Variants in DOCK3 observed in about 807,000 individuals in gnomAD.
DOCK3 encodes the protein dedicator of cytokinesis 3.
Under a neutral mutation model 265.6 loss-of-function variants are expected in DOCK3, and 60 were observed. That is an observed-to-expected ratio of 0.23 (90% CI 0.18 to 0.28). DOCK3 has a LOEUF of 0.28. DOCK3 is among the 10% of genes least tolerant of loss of function. The pLI, the probability that DOCK3 is intolerant of heterozygous loss-of-function variation, is 1.00. For missense variants in DOCK3, 1,981 were observed against 2,594.3 expected (o/e 0.76, Z 5.14); for synonymous variants, 881 against 938.0 (o/e 0.94, Z 1.11).
chr3:51,135,717 A>T lies in DOCK3; in HGVS notation c.747-10832A>T, dbSNP rs113067231. On this transcript the variant is annotated intron_variant, in intron 9 of 52. Coordinates refer to ENST00000266037, the MANE Select transcript of DOCK3 (RefSeq NM_004947.5). ...TATCCAGTACTCTTTTTTTTATTTT[A>T]TTTTTATTTTTATTTTTTTGGAGAC... Among the ~76,000 whole-genome samples the T allele has an allele frequency of 5.3e-5, 8 of 151,702 alleles. 2 individuals are homozygous for T. The highest frequency in any genetic ancestry group is 1.7e-4 in the African/African-American group (7 of 41,340).
intron 27 of DOCK3, among the ~76,000 whole-genome samples, chr3:51,287,844 TCA>T (rs2081496574): frequency 2.0e-5 from 3 of 152,204 alleles, no homozygotes; most frequent in African/African-American, 4.8e-5. Context: ...TATGTGTTCA[TCA>T]CAGAACTATT....
Position 51,252,701 on chromosome 3 carries a change from C to T in DOCK3, c.2184+5894C>T, listed in dbSNP as rs189015670. Among the ~76,000 whole-genome samples the T allele has an allele frequency of 2.5e-3, 383 of 152,198 alleles. 5 individuals are homozygous for T. The highest frequency in any genetic ancestry group is 5.0e-3 in the East Asian group (26 of 5,184). ...TGTATAGGAATGCTTGTGATTTTTG[C>T]ACATTGATTTTGTATCCTGAGACTT... On this transcript the variant is annotated intron_variant, in intron 22 of 52. Coordinates refer to ENST00000266037, the MANE Select transcript of DOCK3 (RefSeq NM_004947.5).
chr3:51,082,181 G>A (rs1250569613), intron 7 of DOCK3, among the ~76,000 whole-genome samples: 4 of 151,838 alleles, frequency 2.6e-5, no homozygotes, highest in East Asian at 3.9e-4. Context: ...AGTTTGGGCC[G>A]GGCCTCACAC....
At chr3:50,722,804 C>T (rs2037558135) in intron 1 of DOCK3, among the ~76,000 whole-genome samples, 1 of 130,782 alleles carries the variant, frequency 7.6e-6, no homozygotes, top group Non-Finnish European at 1.6e-5. Flanking sequence ...CAGGGTCTGG[C>T]TGTGTTGCCC....
At chr3:51,351,276 A>G (rs1251817848) in intron 40 of DOCK3, among the ~76,000 whole-genome samples, 1 of 152,174 alleles carries the variant, frequency 6.6e-6, no homozygotes, top group Non-Finnish European at 1.5e-5. Flanking sequence ...TTCACTGTCC[A>G]CAAGCCTCAG....
intron 12 of DOCK3, among the ~76,000 whole-genome samples, chr3:51,188,092 C>T (rs1438359860): frequency 6.6e-6 from 1 of 152,118 alleles, no homozygotes; most frequent in Non-Finnish European, 1.5e-5. Flanking sequence ...TTTATCTGTT[C>T]CCTAGAGAAA....
chr3:50,906,881 T>C (rs1194672088), intron 4 of DOCK3, among the ~76,000 whole-genome samples: 1 of 152,146 alleles, frequency 6.6e-6, no homozygotes, highest in Admixed American at 6.5e-5. Context: ...CTGTTTTCTT[T>C]TGTGGGCATT....
chr3:51,214,209 T>G lies in DOCK3; in HGVS notation c.1214T>G (p.Ile405Ser). 1 of 1,613,800 alleles carries G rather than the reference T, an allele frequency of 6.2e-7. No individual in the cohort carries two copies. Among genetic ancestry groups the G allele is most frequent in the South Asian group, 1.1e-5 (1 of 91,050 alleles). Residue 405 changes from isoleucine (I) to serine (S), a missense_variant, in exon 14 of 53, where the codon ATT becomes AGT. Physicochemically the swap from Ile to Ser is moderately radical, Grantham distance 142. Coordinates refer to ENST00000266037, the MANE Select transcript of DOCK3 (RefSeq NM_004947.5). ...NPMIFNRGLAITRKLGFPDVI... is the reference protein window; with the variant it reads ...NPMIFNRGLASTRKLGFPDVI... ...ATGATATTTAATAGGGGATTGGCAA[T>G]TACAAGAAAATTGGGATTTCCTGAT... is the stretch of plus-strand genomic sequence containing the variant.
intron 9 of DOCK3, among the ~76,000 whole-genome samples, chr3:51,112,894 C>A (rs2083579280): frequency 6.6e-6 from 1 of 152,112 alleles, no homozygotes; most frequent in Non-Finnish European, 1.5e-5. Flanking sequence ...AGCTCAAGGA[C>A]TCTGTTGGAT....
At chr3:51,170,087 T>A (rs191282800) in intron 12 of DOCK3, among the ~76,000 whole-genome samples, 3 of 152,340 alleles carry the variant, frequency 2.0e-5, no homozygotes, top group African/African-American at 7.2e-5. Context: ...TTGGACATAT[T>A]GGGTTTCAGA....
intron 5 of DOCK3, among the ~76,000 whole-genome samples, chr3:51,027,490 C>G (rs1232299505): frequency 6.6e-6 from 1 of 151,874 alleles, no homozygotes; most frequent in African/African-American, 2.4e-5. Flanking sequence ...TCCAGAATTT[C>G]TTTGTTAGTT....
intron 5 of DOCK3, among the ~76,000 whole-genome samples, chr3:51,061,463 C>CA (rs1171411071): frequency 6.6e-6 from 1 of 150,794 alleles, no homozygotes; most frequent in Non-Finnish European, 1.5e-5. Context: ...ATTGCAAGGA[C>CA]AAAAAACCAA....
At chr3:51,264,998 CA>C (rs1178357595) in intron 23 of DOCK3, among the ~76,000 whole-genome samples, 1 of 151,782 alleles carries the variant, frequency 6.6e-6, no homozygotes, top group Non-Finnish European at 1.5e-5. Flanking sequence ...ATAGACACAA[CA>C]AAAAATGTGA....
At chr3:50,890,832 T>G (rs1238883325) in intron 4 of DOCK3, among the ~76,000 whole-genome samples, 1 of 152,058 alleles carries the variant, frequency 6.6e-6, no homozygotes. Flanking sequence ...ATGAGCCACT[T>G]TATGAGGTAG....
chr3:50,933,896 T>C, intron 4 of DOCK3, 85 bp from the exon 5 acceptor site: 1 of 845,306 alleles, frequency 1.2e-6, no homozygotes, highest in Non-Finnish European at 1.8e-6. Flanking sequence ...AAAATTTGAG[T>C]TAAACAAGTA....
chr3:51,297,803 T>A (rs935142233), intron 27 of DOCK3, among the ~76,000 whole-genome samples: 1 of 151,168 alleles, frequency 6.6e-6, no homozygotes, highest in African/African-American at 2.4e-5. Flanking sequence ...AATTTTTTTT[T>A]AATTAGTTGA....
At chr3:51,201,469 T>C (rs1335233346) in intron 12 of DOCK3, among the ~76,000 whole-genome samples, 1 of 152,134 alleles carries the variant, frequency 6.6e-6, no homozygotes, top group Non-Finnish European at 1.5e-5. Context: ...CAAGAAGAGC[T>C]AACTATCCTA....
At chr3:50,924,937 C>T (rs7627266) in intron 4 of DOCK3, among the ~76,000 whole-genome samples, 37,107 of 152,086 alleles carry the variant, frequency 0.24, 5,684 homozygotes, top group East Asian at 0.39. Context: ...AGTCTCACAG[C>T]ATGTAAGCAA....
intron 3 of DOCK3, among the ~76,000 whole-genome samples, chr3:50,878,092 AAG>A (rs1286533208): frequency 3.9e-5 from 6 of 152,238 alleles, no homozygotes; most frequent in Non-Finnish European, 7.3e-5. Flanking sequence ...AACAAACAGA[AAG>A]GACATCCACA....
Sources: gnomAD v4.1 joint callset for allele counts (sites outside exome capture counted in the v4.1 genomes callset) on GRCh38, gnomAD v4.1.1 for gene constraint, MANE v1.5 for transcripts, NCBI Gene and HGNC (gene_info 2026-07-23, HGNC 2026-07-21) for gene names.